Variants in AFAP1L1 observed in about 807,000 individuals in gnomAD.
AFAP1L1 encodes actin filament-associated protein 1-like 1.
A neutral mutation model predicts 99.8 loss-of-function variants in AFAP1L1; 77 were observed. That is an observed-to-expected ratio of 0.77 (90% confidence interval 0.64 to 0.93). AFAP1L1 has a LOEUF of 0.93. Ranked by LOEUF, AFAP1L1 falls within the 40% of genes least tolerant of loss-of-function variation. AFAP1L1 has a pLI of 0.00. For missense variants in AFAP1L1, 893 were observed against 996.8 expected (o/e 0.90, Z 1.40); for synonymous variants, 373 against 395.3 (o/e 0.94, Z 0.67).
rs1249521498 is a variant in AFAP1L1 at position 149,329,736 on chromosome 5, G to C, written c.1881G>C (p.Glu627Asp). 6.2e-7 allele frequency: 1 copy of C among 1,614,092 alleles called. No individual in the cohort carries two copies. The highest frequency in any genetic ancestry group is 8.5e-7 in the Non-Finnish European group (1 of 1,179,998). Residue 627 changes from glutamate (E) to aspartate (D), a missense_variant, in exon 16 of 19, where the codon GAG becomes GAC. Physicochemically the swap from Glu to Asp is conservative, Grantham distance 45 (BLOSUM62 2). Transcript: ENST00000296721. ...CCCGGAGGTACTTGGTAGAAAAAGAGAAGCTGGAGAAAGAGAAAGAGACGA... is the reference window on the plus strand; with the variant it reads ...CCCGGAGGTACTTGGTAGAAAAAGACAAGCTGGAGAAAGAGAAAGAGACGA... ...EDARRYLVEKEKLEKEKETIR... is the reference protein window; with the variant it reads ...EDARRYLVEKDKLEKEKETIR...
intron 17 of AFAP1L1, 80 bp downstream of exon 17, chr5:149,332,953 T>G: frequency 7.0e-7 from 1 of 1,433,986 alleles, no homozygotes. Flanking sequence ...TCATGATCAT[T>G]CTTTGGAGGT....
rs1185744985 is a variant in AFAP1L1 at position 149,302,541 on chromosome 5, T to C, written c.436+15T>C. ...CAGCTCCCACAGTAAGTTCTGGTCC[T>C]CTTGGTGGGGCTGGGGACTTCCTGT... On this transcript the variant is annotated intron_variant, in intron 5 of 18. Transcript: ENST00000296721. The C allele has an allele frequency of 1.9e-6, 3 of 1,561,412 alleles. No homozygotes were observed. Among genetic ancestry groups the C allele is most frequent in the Non-Finnish European group, 2.6e-6 (3 of 1,151,592 alleles).
At position 149,343,019 on chromosome 5, in the gene AFAP1L1, C is replaced by A. The variant is rs1175439948; in HGVS notation, c.*2989C>A. On this transcript the variant is annotated 3_prime_UTR_variant, in exon 19 of 19. Transcript: ENST00000296721. Reference sequence around the variant, plus strand: ...TGTCAGAATTCTACTGTCACTGTTTCCTTATTGCGGGATCTTGCATAGGTT... The same window carrying A: ...TGTCAGAATTCTACTGTCACTGTTTACTTATTGCGGGATCTTGCATAGGTT... Among the ~76,000 whole-genome samples, 1 of 152,154 alleles carries A rather than the reference C, an allele frequency of 6.6e-6. No homozygotes were observed. The highest frequency in any genetic ancestry group is 6.5e-5 in the Admixed American group (1 of 15,278).
chr5:149,289,844 A>G (rs1175629538), intron 1 of AFAP1L1, among the ~76,000 whole-genome samples: 1 of 152,170 alleles, frequency 6.6e-6, no homozygotes, highest in Admixed American at 6.5e-5. Context: ...CTGAAGGAAA[A>G]CTGGGGGAGG....
At chr5:149,322,258 T>G (rs567955510) in intron 14 of AFAP1L1, among the ~76,000 whole-genome samples, 201 of 152,332 alleles carry the variant, frequency 1.3e-3, no homozygotes, top group Non-Finnish European at 1.5e-3. Context: ...GTTTTCTTTT[T>G]GAGGCAATTC....
At position 149,310,139 on chromosome 5, in the gene AFAP1L1, C is replaced by T. The variant is rs764036594; in HGVS notation, c.927+4C>T. The T allele has an allele frequency of 1.0e-5, 16 of 1,587,576 alleles. No homozygotes were observed. Among genetic ancestry groups the T allele is most frequent in the South Asian group, 2.3e-5 (2 of 86,754 alleles). ...GCAGGCCGAGGAGTGGCTGAAGGTG[C>T]GTGGCCTGCACCTGACCTTCCCGCC... On this transcript the variant is annotated splice_donor_region_variant and intron_variant, in intron 8 of 18. Transcript: ENST00000296721.
chr5:149,301,008 A>G (rs1485009058), intron 3 of AFAP1L1, 125 bp from the exon 4 acceptor site: 2 of 692,924 alleles, frequency 2.9e-6, no homozygotes. Context: ...GTTTAGGGTT[A>G]CTAACGGAGG....
At position 149,299,534 on chromosome 5, in the gene AFAP1L1, C is replaced by T; in HGVS notation, c.42C>T (p.Leu14=). 6 of 1,614,142 alleles carry T rather than the reference C, an allele frequency of 3.7e-6. No homozygotes were observed. The highest frequency in any genetic ancestry group is 3.3e-5 in the South Asian group (3 of 91,084). The part of the protein sequence containing the change: ...GQVLEQLLPE[L]TGLLSLLDHE... Reference sequence around the variant, plus strand: ...TGCTGGAGCAGCTGCTCCCAGAGCTCACCGGGCTGCTCAGCCTCCTGGACC... The same window carrying T: ...TGCTGGAGCAGCTGCTCCCAGAGCTTACCGGGCTGCTCAGCCTCCTGGACC... The change falls in exon 2 of 19, where the codon CTC becomes CTT. Residue 14 remains leucine (L), a synonymous_variant. Coordinates refer to ENST00000296721, the MANE Select transcript of AFAP1L1 (RefSeq NM_152406.4).
In AFAP1L1 at chr5:149,301,203, G is replaced by A; in HGVS notation, c.300G>A (p.Glu100=). The change falls in exon 4 of 19, where the codon GAG becomes GAA. Residue 100 remains glutamate (E), a synonymous_variant. Transcript: ENST00000296721. The stretch of plus-strand genomic sequence containing the variant: ...AGCCCAGCAAAGGAGCCAGCCCTGA[G>A]CTAGCCAAGAGCCCACGCCTGAGAA... ...DGEPSKGASP[E]LAKSPRLRNA... 1 of 1,614,074 alleles carries A rather than the reference G, an allele frequency of 6.2e-7. No individual in the cohort carries two copies. Among genetic ancestry groups the A allele is most frequent in the Non-Finnish European group, 8.5e-7 (1 of 1,179,980 alleles).
chr5:149,317,495 G>C (rs1172323007), intron 11 of AFAP1L1, among the ~76,000 whole-genome samples: 1 of 152,182 alleles, frequency 6.6e-6, no homozygotes, highest in African/African-American at 2.4e-5. Flanking sequence ...TTTCATCAAG[G>C]TTGGTGTGGC....
At chr5:149,309,567 A>G (rs1581320421) in intron 7 of AFAP1L1, among the ~76,000 whole-genome samples, 1 of 152,230 alleles carries the variant, frequency 6.6e-6, no homozygotes, top group East Asian at 1.9e-4. Flanking sequence ...TTCGTAAACT[A>G]TTGACTTCCC....
At chr5:149,313,657 G>A (rs1371232646) in intron 9 of AFAP1L1, among the ~76,000 whole-genome samples, 1 of 152,194 alleles carries the variant, frequency 6.6e-6, no homozygotes, top group African/African-American at 2.4e-5. Context: ...ACAAACAGGT[G>A]CAAGCCCTGC....
At chr5:149,287,751 TG>T (rs1755728414) in intron 1 of AFAP1L1, among the ~76,000 whole-genome samples, 1 of 144,240 alleles carries the variant, frequency 6.9e-6, no homozygotes, top group African/African-American at 2.7e-5. Flanking sequence ...GTTTTTTTGG[TG>T]TTTTTTTTTT....
intron 5 of AFAP1L1, 114 bp from the exon 6 acceptor site, chr5:149,306,192 G>C (rs1189416756): frequency 1.2e-6 from 1 of 812,132 alleles, no homozygotes; most frequent in East Asian, 2.7e-5. Context: ...GCTGCTCAGA[G>C]TGCCTGCTGT....
chr5:149,303,522 C>T lies in AFAP1L1; in HGVS notation c.436+996C>T, dbSNP rs147718111. Among the ~76,000 whole-genome samples, 10 of 152,316 alleles carry T rather than the reference C, an allele frequency of 6.6e-5. No individual in the cohort carries two copies. In the East Asian group the frequency reaches 1.9e-3, roughly 29 times the overall value. ...GTTTGTGTGATGCTGCTCTGTCATT[C>T]AGTAGCACAGTGGAATGCTCTCCAA... On this transcript the variant is annotated intron_variant, in intron 5 of 18. Transcript: ENST00000296721.
intron 14 of AFAP1L1, among the ~76,000 whole-genome samples, chr5:149,321,939 G>A (rs942739457): frequency 6.6e-6 from 1 of 152,154 alleles, no homozygotes; most frequent in Non-Finnish European, 1.5e-5. Context: ...GCTGAGGTGG[G>A]AGGATCACTT....
intron 1 of AFAP1L1, among the ~76,000 whole-genome samples, chr5:149,298,716 AC>A (rs1561666959): frequency 6.6e-6 from 1 of 152,184 alleles, no homozygotes; most frequent in Non-Finnish European, 1.5e-5. Context: ...GGACAGGGAG[AC>A]ATCAGTGACA....
intron 18 of AFAP1L1, among the ~76,000 whole-genome samples, chr5:149,339,441 C>A (rs907552225): frequency 9.2e-5 from 14 of 152,188 alleles, no homozygotes; most frequent in Admixed American, 3.3e-4. Context: ...ATCCGCCCAC[C>A]TCGGCCTCCC....
intron 7 of AFAP1L1, among the ~76,000 whole-genome samples, chr5:149,308,696 C>A (rs1299132991): frequency 6.6e-6 from 1 of 152,112 alleles, no homozygotes; most frequent in Admixed American, 6.5e-5. Context: ...AATCCTACCC[C>A]TTCTATATTT....
Sources: gnomAD v4.1 joint callset for allele counts (sites outside exome capture counted in the v4.1 genomes callset) on GRCh38, gnomAD v4.1.1 for gene constraint, MANE v1.5 for transcripts, NCBI Gene and HGNC (gene_info 2026-07-23, HGNC 2026-07-21) for gene names.